Variants in CLASP1 observed in about 807,000 individuals in gnomAD.
CLASP1 encodes CLIP-associating protein 1.
A neutral mutation model predicts 192.3 loss-of-function variants in CLASP1; 38 were observed. The ratio of observed to expected loss-of-function variants is 0.20; its 90% confidence interval spans 0.15 to 0.26. The LOEUF is 0.26. CLASP1 is among the 10% of genes least tolerant of loss of function. The pLI, the probability that CLASP1 is intolerant of heterozygous loss-of-function variation, is 1.00. For synonymous variants in CLASP1, 691 were observed against 712.8 expected, an observed-to-expected ratio of 0.97 and a Z score of 0.49; for missense variants, 1,433 against 1,932.5, an observed-to-expected ratio of 0.74 and a Z score of 4.85.
chr2:121,512,934 A>T (rs1033729323), intron 7 of CLASP1: 1 of 152,242 alleles, frequency 6.6e-6, no homozygotes, highest in East Asian at 1.9e-4. Flanking sequence ...ATTTTACAAT[A>T]TTGTAATAGT....
Position 121,423,793 on chromosome 2 carries a change from C to A in CLASP1, c.2212+1346G>T, listed in dbSNP as rs547282274. Among the ~76,000 whole-genome samples the A allele has an allele frequency of 2.6e-5, 4 of 152,314 alleles. No homozygotes were observed. In the South Asian group the frequency reaches 8.3e-4, roughly 32 times the overall value. ...AAAAAGTTGGCATCATAGAGATTTACTAAAACCAAGAAATACTTTCTACTT... is the reference window on the plus strand; with the variant it reads ...AAAAAGTTGGCATCATAGAGATTTAATAAAACCAAGAAATACTTTCTACTT... On this transcript the variant is annotated intron_variant, in intron 22 of 39. Coordinates refer to ENST00000263710, the Ensembl canonical transcript of CLASP1.
chr2:121,459,237 A>C (rs2087351640), intron 12 of CLASP1, among the ~76,000 whole-genome samples: 1 of 151,844 alleles, frequency 6.6e-6, no homozygotes, highest in South Asian at 2.1e-4. Flanking sequence ...TACCTTGCCC[A>C]CGTTGAACTT....
At chr2:121,579,689 C>A (rs1176429275) in intron 2 of CLASP1, among the ~76,000 whole-genome samples, 1 of 152,178 alleles carries the variant, frequency 6.6e-6, no homozygotes, top group East Asian at 1.9e-4. Context: ...GCATCTTCCT[C>A]TTGAATTAAT....
intron 1 of CLASP1, among the ~76,000 whole-genome samples, chr2:121,644,830 TGCCTGTAGTCCCA>T (rs1253110486): frequency 6.6e-6 from 1 of 151,538 alleles, no homozygotes; most frequent in Non-Finnish European, 1.5e-5. Flanking sequence ...TGGTGGTGCA[TGCCTGTAGTCCCA>T]GCTACTCAAA....
chr2:121,408,675 G>A (rs1263519755), intron 24 of CLASP1, among the ~76,000 whole-genome samples: 3 of 151,962 alleles, frequency 2.0e-5, no homozygotes, highest in Admixed American at 1.3e-4. Flanking sequence ...AAATTACATG[G>A]TCACACAAAA....
intron 2 of CLASP1, among the ~76,000 whole-genome samples, chr2:121,601,621 T>C (rs1002403003): frequency 6.6e-6 from 1 of 152,090 alleles, no homozygotes; most frequent in Non-Finnish European, 1.5e-5. Context: ...ACTCTCACCC[T>C]CTTTTTCAAC....
intron 34 of CLASP1, among the ~76,000 whole-genome samples, chr2:121,374,432 G>A (rs2069499811): frequency 6.6e-6 from 1 of 152,250 alleles, no homozygotes; most frequent in Non-Finnish European, 1.5e-5. Context: ...GAAATGTGGG[G>A]TTGGAGCCCC....
At chr2:121,550,005 C>CAAAA (rs59439843) in intron 2 of CLASP1, among the ~76,000 whole-genome samples, 8 of 55,648 alleles carry the variant, frequency 1.4e-4, no homozygotes, top group East Asian at 4.9e-4. Context: ...GACTCCGTCT[C>CAAAA]AAAAAAAAAA....
intron 1 of CLASP1, among the ~76,000 whole-genome samples, chr2:121,639,538 T>C (rs571213647): frequency 1.4e-4 from 21 of 152,124 alleles, no homozygotes; most frequent in Non-Finnish European, 2.4e-4. Flanking sequence ...ATAGCATTAA[T>C]GTAATTAATG....
intron 19 of CLASP1, among the ~76,000 whole-genome samples, chr2:121,438,140 C>T (rs964776139): frequency 6.6e-6 from 1 of 152,098 alleles, no homozygotes; most frequent in African/African-American, 2.4e-5. Context: ...CTGCATGAAC[C>T]CCGAGGAATT....
intron 2 of CLASP1, among the ~76,000 whole-genome samples, chr2:121,538,014 T>G (rs1379821212): frequency 6.6e-6 from 1 of 152,216 alleles, no homozygotes; most frequent in Non-Finnish European, 1.5e-5. Context: ...AATGATGAAA[T>G]GCTGAAAGCT....
chr2:121,524,329 G>T (rs911894459), intron 6 of CLASP1, among the ~76,000 whole-genome samples: 1 of 152,066 alleles, frequency 6.6e-6, no homozygotes, highest in African/African-American at 2.4e-5. Flanking sequence ...GATACAAAAC[G>T]ATAATCTATT....
chr2:121,492,389 C>CAAAAAAAAAAAAA (rs761378692), intron 8 of CLASP1, among the ~76,000 whole-genome samples: 1 of 37,926 alleles, frequency 2.6e-5, no homozygotes. Flanking sequence ...ACTCCCTCTC[C>CAAAAAAAAAAAAA]AAAAAAAAAA....
intron 22 of CLASP1, among the ~76,000 whole-genome samples, chr2:121,419,898 A>G (rs1211581765): frequency 6.6e-6 from 1 of 152,218 alleles, no homozygotes; most frequent in Admixed American, 6.5e-5. Flanking sequence ...CAAAACAAGT[A>G]TGTTTCTATA....
chr2:121,530,405 A>T, intron 2 of CLASP1, 80 bp from the exon 3 acceptor site: 1 of 1,146,218 alleles, frequency 8.7e-7, no homozygotes, highest in South Asian at 1.4e-5. Flanking sequence ...GGGGAGGCCT[A>T]GACATTTCCG....
At chr2:121,614,600 C>T (rs182447963) in intron 1 of CLASP1, among the ~76,000 whole-genome samples, 12 of 152,342 alleles carry the variant, frequency 7.9e-5, no homozygotes, top group African/African-American at 2.9e-4. Flanking sequence ...TTCAATCTAA[C>T]ACGTATGTAC....
chr2:121,511,590 A>T (rs913556726), intron 7 of CLASP1, among the ~76,000 whole-genome samples: 48 of 148,200 alleles, frequency 3.2e-4, no homozygotes, highest in Non-Finnish European at 6.2e-4. Context: ...CTCCATCTCA[A>T]AAAAAAAAAA....
At chr2:121,484,717 TGAGA>T (rs1342647285) in intron 8 of CLASP1, among the ~76,000 whole-genome samples, 1 of 152,136 alleles carries the variant, frequency 6.6e-6, no homozygotes, top group Non-Finnish European at 1.5e-5. Context: ...AAAGGGAGAA[TGAGA>T]GAGAACAGAT....
At chr2:121,370,412 G>A (rs1214598973) in intron 34 of CLASP1, among the ~76,000 whole-genome samples, 3 of 152,126 alleles carry the variant, frequency 2.0e-5, no homozygotes, top group South Asian at 2.1e-4. Flanking sequence ...TGCAACCTCC[G>A]CCTTCTAGGT....
Sources: gnomAD v4.1 joint callset for allele counts (sites outside exome capture counted in the v4.1 genomes callset) on GRCh38, gnomAD v4.1.1 for gene constraint, MANE v1.5 for transcripts, NCBI Gene and HGNC (gene_info 2026-07-23, HGNC 2026-07-21) for gene names.